KRAS: variants seen among roughly 807,000 people sequenced by gnomAD.
KRAS encodes KRas proto-oncogene, GTPase.
In KRAS, 1 loss-of-function variant was observed where a neutral mutation model predicts 21.0. The observed-to-expected ratio is 0.05, with a 90% confidence interval of 0.02 to 0.23. The LOEUF (loss-of-function observed/expected upper bound fraction) is 0.23. Ranked by LOEUF, KRAS falls within the 10% of genes least tolerant of loss-of-function variation. The probability of loss-of-function intolerance (pLI) is 1.00; values close to 1 mark genes in which losing one functional copy is unlikely to be tolerated. For missense variants in KRAS, 107 were observed against 221.8 expected (o/e 0.48, Z 3.29); for synonymous variants, 67 against 72.5 (o/e 0.92, Z 0.39).
intron 4 of KRAS, among the ~76,000 whole-genome samples, chr12:25,221,591 CA>C (rs1183970560): frequency 6.6e-6 from 1 of 151,732 alleles, no homozygotes; most frequent in African/African-American, 2.4e-5. Flanking sequence ...TTTAAAGGGT[CA>C]TAATTAAAAA....
intron 2 of KRAS, among the ~76,000 whole-genome samples, chr12:25,235,565 A>C (rs1951533901): frequency 1.3e-5 from 2 of 152,182 alleles, no homozygotes; most frequent in South Asian, 2.1e-4. Context: ...CATGAACGTA[A>C]ATAAATAATT....
chr12:25,230,350 C>T (rs994882581), intron 2 of KRAS, among the ~76,000 whole-genome samples: 15 of 151,960 alleles, frequency 9.9e-5, no homozygotes, highest in Admixed American at 6.6e-5. Flanking sequence ...TTATCTTGGC[C>T]GGGTGCGATG....
intron 2 of KRAS, among the ~76,000 whole-genome samples, chr12:25,232,029 G>A (rs929370441): frequency 3.9e-5 from 6 of 152,158 alleles, no homozygotes; most frequent in African/African-American, 9.6e-5. Flanking sequence ...CCTACAGTTG[G>A]CCCAGGAACA....
intron 2 of KRAS, among the ~76,000 whole-genome samples, chr12:25,230,054 GA>G (rs1951446071): frequency 6.6e-6 from 1 of 152,158 alleles, no homozygotes; most frequent in African/African-American, 2.4e-5. Flanking sequence ...TTACAGGCAT[GA>G]GCCACTGCGC....
rs988374263 is a variant in KRAS, at chr12:25,208,161, T to C, written c.*1634A>G. 596 of 190,962 alleles carry C rather than the reference T, an allele frequency of 3.1e-3. 9 individuals carry two copies. Among genetic ancestry groups the C allele is most frequent in the African/African-American group, 0.013 (546 of 40,806 alleles). 11.8% of individuals were successfully genotyped at this position (190,962 alleles called of 1,614,324 possible). A position where few individuals can be genotyped will look rare whatever the true frequency, so the allele number is the denominator to read the frequency against. On this transcript the variant is annotated 3_prime_UTR_variant, in exon 5 of 5. Coordinates refer to ENST00000311936, the MANE Select transcript of KRAS (RefSeq NM_004985.5). ...TTATGTAAATGGAATATAAATTACA[T>C]AGTTGTAAAAAAAAAAAACTAAGAG... is the stretch of plus-strand genomic sequence containing the variant.
intron 2 of KRAS, among the ~76,000 whole-genome samples, chr12:25,244,344 G>C: frequency 6.6e-6 from 1 of 152,094 alleles, no homozygotes; most frequent in African/African-American, 2.4e-5. Flanking sequence ...ACAATATAGG[G>C]CTATTTCAAA....
intron 1 of KRAS, among the ~76,000 whole-genome samples, chr12:25,248,321 G>C (rs1029439746): frequency 7.2e-5 from 11 of 152,038 alleles, no homozygotes; most frequent in Non-Finnish European, 1.5e-4. Context: ...CCGGTGGCGG[G>C]AGCCTGTAAT....
chr12:25,237,146 A>T (rs1951554104), intron 2 of KRAS, among the ~76,000 whole-genome samples: 1 of 152,200 alleles, frequency 6.6e-6, no homozygotes, highest in African/African-American at 2.4e-5. Context: ...CAGACACAAA[A>T]GGCCACGTCT....
intron 2 of KRAS, 63 bp from the exon 3 acceptor site, chr12:25,227,475 A>G: frequency 6.9e-7 from 1 of 1,457,616 alleles, no homozygotes. Flanking sequence ...AAAAGGTGTT[A>G]TATACAACTC....
chr12:25,216,193 A>G (rs1267664569), intron 4 of KRAS, among the ~76,000 whole-genome samples: 1 of 152,222 alleles, frequency 6.6e-6, no homozygotes, highest in Non-Finnish European at 1.5e-5. Flanking sequence ...ATCTTAAATG[A>G]GAGCTGCTTA....
At chr12:25,235,067 T>A (rs1276099718) in intron 2 of KRAS, 4 of 381,432 alleles carry the variant, frequency 1.0e-5, no homozygotes, top group Non-Finnish European at 4.8e-6. Flanking sequence ...TCATTTAATC[T>A]CCATCTTCAT....
chr12:25,215,895 C>G (rs1189012471), intron 4 of KRAS, among the ~76,000 whole-genome samples: 1 of 152,040 alleles, frequency 6.6e-6, no homozygotes, highest in African/African-American at 2.4e-5. Context: ...GGAATTAAAG[C>G]CTAAACTGAA....
At chr12:25,215,383 C>T (rs1284724938) in intron 4 of KRAS, 1 of 1,608,922 alleles carries the variant, frequency 6.2e-7, no homozygotes. Context: ...CACCTTGTTA[C>T]CTTTAAAAGA....
At chr12:25,234,403 T>A (rs1015999591) in intron 2 of KRAS, 14 of 181,944 alleles carry the variant, frequency 7.7e-5, no homozygotes, top group East Asian at 5.4e-4. Flanking sequence ...TGAGGTTCAT[T>A]ATACTACTAT....
intron 4 of KRAS, among the ~76,000 whole-genome samples, chr12:25,219,597 A>G (rs1436674842): frequency 6.6e-6 from 1 of 152,248 alleles, no homozygotes; most frequent in Non-Finnish European, 1.5e-5. Flanking sequence ...ATACAAATGC[A>G]AGACTACCAG....
intron 2 of KRAS, among the ~76,000 whole-genome samples, chr12:25,227,904 T>C (rs1951413348): frequency 6.6e-6 from 1 of 152,192 alleles, no homozygotes; most frequent in Admixed American, 6.5e-5. Flanking sequence ...ACACCAATGT[T>C]CGCAGCAGCA....
intron 2 of KRAS, among the ~76,000 whole-genome samples, chr12:25,235,571 T>TAATTA (rs1288250653): frequency 6.6e-6 from 1 of 152,056 alleles, no homozygotes; most frequent in Non-Finnish European, 1.5e-5. Flanking sequence ...CGTAAATAAA[T>TAATTA]AATTAAAATA....
rs1185233662 is a variant in KRAS, at chr12:25,208,182, AAG to A, written c.*1611_*1612del. The A allele has an allele frequency of 4.3e-6, 1 of 230,426 alleles. No individual in the cohort carries two copies. Among genetic ancestry groups the A allele is most frequent in the African/African-American group, 2.2e-5 (1 of 44,878 alleles). The allele number at this position is 230,426 out of a possible 1,614,324, so 14.3% of individuals were successfully genotyped here. On this transcript the variant is annotated 3_prime_UTR_variant, in exon 5 of 5. Transcript: ENST00000311936. ...TACATAGTTGTAAAAAAAAAAAACT[AAG>A]AGTTTGAGATGACTTCTTTTAACAT...
intron 1 of KRAS, among the ~76,000 whole-genome samples, chr12:25,247,026 T>G (rs981103081): frequency 6.6e-6 from 1 of 152,198 alleles, no homozygotes; most frequent in Non-Finnish European, 1.5e-5. Context: ...TATTGACAGA[T>G]TGTATAACAA....
Sources: allele counts gnomAD v4.1 joint callset (sites outside exome capture counted in the v4.1 genomes callset), GRCh38; gene constraint gnomAD v4.1.1; transcripts MANE v1.5; gene names NCBI Gene and HGNC (gene_info 2026-07-23, HGNC 2026-07-21).